The following IQGAP1 variants were observed in gnomAD, a reference collection of about 807,000 sequenced individuals.
IQGAP1 encodes the protein IQ motif containing GTPase activating protein 1.
A neutral mutation model predicts 215.6 loss-of-function variants in IQGAP1; 66 were observed. The ratio of observed to expected loss-of-function variants is 0.31; its 90% confidence interval spans 0.25 to 0.38. The LOEUF is 0.38. Ranked by LOEUF, IQGAP1 falls within the 10% of genes least tolerant of loss-of-function variation. IQGAP1 has a pLI of 1.00. For synonymous variants in IQGAP1, 772 were observed against 728.7 expected, an observed-to-expected ratio of 1.06 and a Z score of -0.96; for missense variants, 1,712 against 1,997.1, an observed-to-expected ratio of 0.86 and a Z score of 2.72.
In IQGAP1 at chr15:90,441,689, A is replaced by G; in HGVS notation, c.828+5A>G. On this transcript the variant is annotated splice_donor_5th_base_variant and intron_variant, in intron 8 of 37. Coordinates refer to ENST00000268182, the MANE Select transcript of IQGAP1 (RefSeq NM_003870.4). ...ATGACAAATGCTAAAAACAGGGTAA[A>G]AATGCAACATCTATTCTTTCTAATT... The G allele has an allele frequency of 6.3e-7, 1 of 1,582,028 alleles. No individual in the cohort carries two copies. The highest frequency in any genetic ancestry group is 8.6e-7 in the Non-Finnish European group (1 of 1,156,952).
chr15:90,459,186 G>A (rs7162846), intron 15 of IQGAP1, among the ~76,000 whole-genome samples: 2,140 of 152,264 alleles, frequency 0.014, 41 homozygotes, highest in African/African-American at 0.048. Context: ...TGAAAAGGAG[G>A]TCAATCACAA....
At chr15:90,492,789 G>A in intron 35 of IQGAP1, 78 bp downstream of exon 35, 1 of 1,208,742 alleles carries the variant, frequency 8.3e-7, no homozygotes, top group Non-Finnish European at 1.1e-6. Flanking sequence ...AATGACACTG[G>A]AAATTTTTAC....
At chr15:90,400,066 A>G (rs1177807844) in intron 2 of IQGAP1, among the ~76,000 whole-genome samples, 1 of 151,896 alleles carries the variant, frequency 6.6e-6, no homozygotes, top group East Asian at 1.9e-4. Context: ...TTGTTCCTTG[A>G]GGTATAAACA....
At chr15:90,390,444 G>C (rs1964619787) in intron 1 of IQGAP1, among the ~76,000 whole-genome samples, 1 of 152,162 alleles carries the variant, frequency 6.6e-6, no homozygotes, top group African/African-American at 2.4e-5. Flanking sequence ...ATAAAAGAGG[G>C]AAACAATATT....
intron 26 of IQGAP1, among the ~76,000 whole-genome samples, chr15:90,480,287 A>G (rs547443014): frequency 2.7e-5 from 4 of 150,784 alleles, no homozygotes; most frequent in Non-Finnish European, 5.9e-5. Context: ...ACTGTGAGGG[A>G]TGGTGGTGTG....
At chr15:90,434,799 A>C (rs1314237230) in intron 5 of IQGAP1, among the ~76,000 whole-genome samples, 3 of 152,180 alleles carry the variant, frequency 2.0e-5, no homozygotes, top group Non-Finnish European at 4.4e-5. Flanking sequence ...TTGGTGCTTA[A>C]AAATTTTTAG....
intron 11 of IQGAP1, among the ~76,000 whole-genome samples, chr15:90,452,049 C>T (rs1965611096): frequency 6.6e-6 from 1 of 152,058 alleles, no homozygotes; most frequent in Admixed American, 6.5e-5. Flanking sequence ...AGGATGGTCT[C>T]GATCTCCTGA....
intron 33 of IQGAP1, among the ~76,000 whole-genome samples, chr15:90,489,800 A>G (rs1966178002): frequency 6.6e-6 from 1 of 152,242 alleles, no homozygotes. Flanking sequence ...AATTTGAAAT[A>G]AGGAAGGAGG....
chr15:90,499,167 A>C (rs10459677), intron 37 of IQGAP1, among the ~76,000 whole-genome samples: 99,665 of 152,040 alleles, frequency 0.66, 33,351 homozygotes, highest in African/African-American at 0.69. Flanking sequence ...CACCACTCTT[A>C]TAAAGTTCAG....
intron 23 of IQGAP1, chr15:90,475,616 G>GGTA (rs779487293): frequency 2.0e-4 from 31 of 151,930 alleles, no homozygotes; most frequent in East Asian, 1.4e-3. Flanking sequence ...AGCTGGACAT[G>GGTA]GTAGTACATG....
chr15:90,466,242 T>G (rs115515190), intron 16 of IQGAP1, 27 bp from the exon 17 acceptor site: 1 of 1,611,674 alleles, frequency 6.2e-7, no homozygotes, highest in African/African-American at 1.3e-5. Flanking sequence ...TCTAAACTAT[T>G]CTGGTAACAG....
chr15:90,437,681 GGCA>G (rs1965389056), intron 5 of IQGAP1, among the ~76,000 whole-genome samples: 1 of 152,022 alleles, frequency 6.6e-6, no homozygotes, highest in African/African-American at 2.4e-5. Context: ...TAGGACTACA[GGCA>G]TGCACCACCA....
intron 4 of IQGAP1, 106 bp downstream of exon 4, chr15:90,429,772 G>T (rs1235135619): frequency 7.7e-6 from 5 of 648,648 alleles, no homozygotes; most frequent in Non-Finnish European, 1.3e-5. Context: ...AGAATCTTTG[G>T]TGTTTTTTTA....
intron 35 of IQGAP1, 181 bp from the exon 36 acceptor site, chr15:90,494,532 C>A: frequency 2.6e-6 from 1 of 385,444 alleles, no homozygotes; most frequent in Non-Finnish European, 4.7e-6. Context: ...GTAATATTTC[C>A]CCTGTTTTGC....
chr15:90,465,967 A>G, intron 15 of IQGAP1, 34 bp from the exon 16 acceptor site: 2 of 1,539,990 alleles, frequency 1.3e-6, no homozygotes, highest in Non-Finnish European at 1.8e-6. Flanking sequence ...CCCTGATTTC[A>G]TGACTTTAAT....
chr15:90,444,942 G>A lies in IQGAP1; in HGVS notation c.913+1464G>A, dbSNP rs560364834. 7.2e-5 allele frequency among the ~76,000 whole-genome samples: 11 copies of A among 152,248 alleles called. No homozygotes were observed. The South Asian group carries it at 2.3e-3, about 32-fold the overall frequency. On this transcript the variant is annotated intron_variant, in intron 9 of 37. Transcript: ENST00000268182. ...GTTTGAGACCAGCCTGGGCAATGTG[G>A]CGAAACCCTGTCTCTACAAAAAATA...
chr15:90,473,252 T>A (rs1356278076), intron 19 of IQGAP1, among the ~76,000 whole-genome samples: 2 of 152,188 alleles, frequency 1.3e-5, no homozygotes, highest in Non-Finnish European at 2.9e-5. Flanking sequence ...GACTGTACCT[T>A]TCTGTAAGAT....
At chr15:90,388,993 G>A (rs946060343) in intron 1 of IQGAP1, among the ~76,000 whole-genome samples, 1 of 152,084 alleles carries the variant, frequency 6.6e-6, no homozygotes, top group African/African-American at 2.4e-5. Context: ...ATTTTCTGTT[G>A]TCGGCCCTGG....
intron 15 of IQGAP1, among the ~76,000 whole-genome samples, chr15:90,458,139 A>G (rs1052866849): frequency 2.0e-5 from 3 of 152,232 alleles, no homozygotes; most frequent in African/African-American, 7.2e-5. Context: ...TATGCAATGT[A>G]TGGTCGTTTG....
Sources: allele counts gnomAD v4.1 joint callset (sites outside exome capture counted in the v4.1 genomes callset), GRCh38; gene constraint gnomAD v4.1.1; transcripts MANE v1.5; gene names NCBI Gene and HGNC (gene_info 2026-07-23, HGNC 2026-07-21).